Variants in CASK observed in about 807,000 individuals in gnomAD.
CASK encodes calcium/calmodulin dependent serine protein kinase.
A neutral mutation model predicts 82.9 loss-of-function variants in CASK; 4 were observed. That is an observed-to-expected ratio of 0.05 (90% CI 0.02 to 0.11). CASK has a LOEUF of 0.11. CASK is among the 10% of genes least tolerant of loss of function. The pLI is 1.00. For missense variants in CASK, 358 were observed against 720.9 expected (o/e 0.50, Z 5.76); for synonymous variants, 259 against 253.5 (o/e 1.02, Z -0.20).
intron 1 of CASK, among the ~76,000 whole-genome samples, chrX:41,922,151 A>G: frequency 8.9e-6 from 1 of 111,965 alleles, no homozygotes; most frequent in African/African-American, 3.2e-5. Flanking sequence ...TTAATTCTCA[A>G]TCAGCACTGT....
At chrX:41,572,842 T>A (rs917903705) in intron 15 of CASK, among the ~76,000 whole-genome samples, 2 of 111,490 alleles carry the variant, frequency 1.8e-5, no homozygotes, top group African/African-American at 3.3e-5. Flanking sequence ...ATGTCCTAAA[T>A]ATACTGTGGG....
intron 8 of CASK, among the ~76,000 whole-genome samples, chrX:41,637,378 C>CTTTTT (rs758261036): frequency 2.7e-5 from 1 of 36,893 alleles, no homozygotes; most frequent in Non-Finnish European, 4.4e-5. Flanking sequence ...TTAGGACACG[C>CTTTTT]TTTTTTTTTT....
intron 19 of CASK, 122 bp downstream of exon 19, chrX:41,556,910 G>A: frequency 1.8e-6 from 1 of 568,569 alleles, no homozygotes; most frequent in Middle Eastern, 3.1e-4. Flanking sequence ...CATTGTAGCT[G>A]TAGTAGCCTT....
At chrX:41,645,324 C>G (rs1399109776) in intron 8 of CASK, among the ~76,000 whole-genome samples, 1 of 111,565 alleles carries the variant, frequency 9.0e-6, no homozygotes, top group East Asian at 2.8e-4. Context: ...TGCCATTATA[C>G]AGGCAAAAAA....
rs146282743 is a variant in CASK at position 41,559,801 on chromosome X, C to T, written c.1715G>A (p.Arg572His). The T allele has an allele frequency of 5.0e-6, 6 of 1,208,234 alleles. No homozygotes were observed. Among genetic ancestry groups the T allele is most frequent in the Middle Eastern group, 2.3e-4 (1 of 4,363 alleles). Residue 572 changes from arginine (R) to histidine (H), a missense_variant, in exon 18 of 27, where the codon CGC (arginine) becomes CAC (histidine). Physicochemically the swap from Arg to His is conservative, Grantham distance 29. Around this residue, in one of 5 missense-constraint regions of CASK, gnomAD observed 41 missense variants for 39.4 expected, o/e 1.04. Coordinates refer to ENST00000378163, the MANE Select transcript of CASK (RefSeq NM_001367721.1). ...SITFKIVPSY[R>H]TQSSSCERDS... The stretch of plus-strand genomic sequence containing the variant: ...TACCTCACAGGACGAAGACTGAGTG[C>T]GGTAACTTGGCACAATCTTGAAGGT...
chrX:41,593,071 G>A (rs769242506), intron 12 of CASK, among the ~76,000 whole-genome samples: 3 of 111,720 alleles, frequency 2.7e-5, no homozygotes, highest in Admixed American at 9.5e-5. Context: ...GGAAGTAGTG[G>A]CAGGATGAGG....
chrX:41,872,266 T>C (rs143308968), intron 1 of CASK, among the ~76,000 whole-genome samples: 1,357 of 112,543 alleles, frequency 0.012, 14 homozygotes, highest in Non-Finnish European at 0.019. Flanking sequence ...CTCAATTACA[T>C]AATGCATTTG....
intron 5 of CASK, chrX:41,683,496 T>C (rs1435529087): frequency 8.9e-6 from 1 of 112,310 alleles, no homozygotes; most frequent in Non-Finnish European, 1.9e-5. Context: ...CCAAACCTCT[T>C]TCTATAATTA....
At chrX:41,798,442 T>C (rs1212174376) in intron 2 of CASK, among the ~76,000 whole-genome samples, 4 of 113,009 alleles carry the variant, frequency 3.5e-5, no homozygotes, top group African/African-American at 1.3e-4. Flanking sequence ...CTATTTTAGA[T>C]GTGTTGACCC....
chrX:41,710,290 T>G (rs1431740695), intron 5 of CASK, among the ~76,000 whole-genome samples: 1 of 111,392 alleles, frequency 9.0e-6, no homozygotes, highest in Non-Finnish European at 1.9e-5. Flanking sequence ...TTTGACTGAT[T>G]TGAAGATGTC....
At chrX:41,796,817 T>C (rs1362820719) in intron 2 of CASK, among the ~76,000 whole-genome samples, 2 of 112,046 alleles carry the variant, frequency 1.8e-5, no homozygotes, top group Non-Finnish European at 1.9e-5. Context: ...TTTCCCTTAC[T>C]GCGGTTACCC....
intron 5 of CASK, among the ~76,000 whole-genome samples, chrX:41,691,619 G>A (rs1007056140): frequency 4.6e-5 from 5 of 109,384 alleles, no homozygotes; most frequent in Non-Finnish European, 9.5e-5. Flanking sequence ...AGCACTTTAG[G>A]AGGCAGAGGC....
At chrX:41,642,693 A>G (rs2066680410) in intron 8 of CASK, among the ~76,000 whole-genome samples, 1 of 111,924 alleles carries the variant, frequency 8.9e-6, no homozygotes, top group Non-Finnish European at 1.9e-5. Flanking sequence ...CCCATTCTGT[A>G]GGTTGCCTGT....
chrX:41,766,336 G>C (rs1569439818), intron 3 of CASK, among the ~76,000 whole-genome samples: 1 of 111,607 alleles, frequency 9.0e-6, no homozygotes, highest in Non-Finnish European at 1.9e-5. Context: ...ATGTGGCAAG[G>C]AACCCAGATT....
intron 6 of CASK, among the ~76,000 whole-genome samples, chrX:41,671,196 T>C (rs1477377780): frequency 8.9e-6 from 1 of 112,231 alleles, no homozygotes; most frequent in Admixed American, 9.5e-5. Context: ...TACAGTCTCT[T>C]AAGTACTGGA....
chrX:41,807,643 G>T (rs1042442857), intron 2 of CASK, among the ~76,000 whole-genome samples: 3 of 110,995 alleles, frequency 2.7e-5, no homozygotes, highest in Non-Finnish European at 5.7e-5. Flanking sequence ...TGTGGAGGCT[G>T]AGGAGTTCAA....
intron 3 of CASK, among the ~76,000 whole-genome samples, chrX:41,765,265 G>A (rs984492841): frequency 1.8e-5 from 2 of 111,928 alleles, no homozygotes; most frequent in African/African-American, 3.2e-5. Flanking sequence ...ATACATATGA[G>A]TACAGTTTTT....
chrX:41,703,937 T>G (rs1471660121), intron 5 of CASK, among the ~76,000 whole-genome samples: 1 of 111,760 alleles, frequency 8.9e-6, no homozygotes, highest in Non-Finnish European at 1.9e-5. Flanking sequence ...AATTTGCACT[T>G]CCCTGATTAC....
chrX:41,787,275 G>A lies in CASK; in HGVS notation c.181C>T (p.Arg61Trp), dbSNP rs2147833182. The A allele has an allele frequency of 2.6e-6, 3 of 1,147,476 alleles. No homozygotes were observed. Among genetic ancestry groups the A allele is most frequent in the Non-Finnish European group, 3.6e-6 (3 of 837,376 alleles). 94.6% of individuals were successfully genotyped at this position (1,147,476 alleles called of 1,213,427 possible). Residue 61 changes from arginine to tryptophan, a missense_variant, in exon 3 of 27, where the codon CGG (arginine) becomes TGG (tryptophan). Transcript: ENST00000378163. ...AGCATATGACAGATACTGGCTTCCCGCTTTAGATCTGTAAAACAAACATAC... is the reference window on the plus strand; with the variant it reads ...AGCATATGACAGATACTGGCTTCCCACTTTAGATCTGTAAAACAAACATAC... The part of the protein sequence containing the change: ...SPGLSTEDLK[R>W]EASICHMLKH...
Sources: allele counts gnomAD v4.1 joint callset (sites outside exome capture counted in the v4.1 genomes callset), GRCh38; gene constraint gnomAD v4.1.1; regional missense constraint gnomAD v4.1.1; transcripts MANE v1.5; gene names NCBI Gene and HGNC (gene_info 2026-07-23, HGNC 2026-07-21).